DIAPH3: variants seen among roughly 807,000 people sequenced by gnomAD.
DIAPH3 encodes the protein protein diaphanous homolog 3.
A neutral mutation model predicts 144.3 loss-of-function variants in DIAPH3; 117 were observed. The observed-to-expected ratio is 0.81, with a 90% confidence interval of 0.70 to 0.95. The LOEUF (loss-of-function observed/expected upper bound fraction) is 0.95. Among genes scored for constraint, DIAPH3 ranks in the 40% least tolerant of loss-of-function variants. DIAPH3 has a pLI of 0.00. For synonymous variants in DIAPH3, 519 were observed against 488.9 expected (o/e 1.06, Z -0.81); for missense variants, 1,421 against 1,412.7 (o/e 1.01, Z -0.09).
chr13:59,673,149 A>G (rs1179970910), intron 27 of DIAPH3, among the ~76,000 whole-genome samples: 2 of 152,210 alleles, frequency 1.3e-5, no homozygotes, highest in Non-Finnish European at 2.9e-5. Flanking sequence ...CAGCCTCTAA[A>G]GAGAACAGTA....
At position 60,160,338 on chromosome 13, in the gene DIAPH3, C is replaced by T. The variant is rs562298226; in HGVS notation, c.180+3249G>A. 7.2e-5 allele frequency among the ~76,000 whole-genome samples: 11 copies of T among 152,368 alleles called. No individual in the cohort carries two copies. The South Asian group carries it at 1.9e-3, about 26-fold the overall frequency. ...GATGGAAACGATTAGACGATTTACA[C>T]TGAAGTCTGTGAGAACTTTTAGAGG... On this transcript the variant is annotated intron_variant, in intron 1 of 27. Transcript: ENST00000400324.
chr13:60,018,061 C>G (rs1392410015), intron 5 of DIAPH3, among the ~76,000 whole-genome samples: 1 of 152,116 alleles, frequency 6.6e-6, no homozygotes, highest in East Asian at 1.9e-4. Flanking sequence ...GAGAGTTTTA[C>G]TTGGGCTGAC....
chr13:59,747,720 G>A lies in DIAPH3; in HGVS notation c.3319+26469C>T, dbSNP rs530472525. Among the ~76,000 whole-genome samples the A allele has an allele frequency of 2.6e-5, 4 of 152,266 alleles. No individual in the cohort carries two copies. In the South Asian group the frequency reaches 6.2e-4, roughly 24 times the overall value. ...ATAGAGGCACTCTCTCCTCAAGGGG[G>A]CAATGTGTCAAATTTGAATGACATC... is the stretch of plus-strand genomic sequence containing the variant. On this transcript the variant is annotated intron_variant, in intron 27 of 27. Transcript: ENST00000400324.
chr13:59,705,010 CTGAA>C (rs376579951), intron 27 of DIAPH3, among the ~76,000 whole-genome samples: 105 of 152,178 alleles, frequency 6.9e-4, no homozygotes, highest in African/African-American at 2.1e-3. Context: ...TAGGAGAAAC[CTGAA>C]TGAAAGTGAT....
intron 17 of DIAPH3, among the ~76,000 whole-genome samples, chr13:59,943,025 A>G (rs1472478834): frequency 6.6e-6 from 1 of 152,204 alleles, no homozygotes; most frequent in Non-Finnish European, 1.5e-5. Context: ...CCATATATAT[A>G]TAAGCATTTG....
intron 21 of DIAPH3, among the ~76,000 whole-genome samples, chr13:59,869,252 T>C (rs1436428599): frequency 6.6e-6 from 1 of 152,230 alleles, no homozygotes; most frequent in African/African-American, 2.4e-5. Flanking sequence ...CCAGTACATA[T>C]GCAGTGGTGT....
At chr13:60,080,392 T>C (rs1307112503) in intron 4 of DIAPH3, among the ~76,000 whole-genome samples, 1 of 151,910 alleles carries the variant, frequency 6.6e-6, no homozygotes, top group African/African-American at 2.4e-5. Flanking sequence ...TAGAAATAAA[T>C]TGAAAATGAA....
intron 17 of DIAPH3, among the ~76,000 whole-genome samples, chr13:59,954,444 T>G (rs968108334): frequency 6.6e-6 from 1 of 152,166 alleles, no homozygotes; most frequent in Non-Finnish European, 1.5e-5. Context: ...TTATTATGGT[T>G]GTAGGACATG....
chr13:59,881,315 T>G (rs1434034034), intron 20 of DIAPH3, among the ~76,000 whole-genome samples: 1 of 152,112 alleles, frequency 6.6e-6, no homozygotes, highest in Non-Finnish European at 1.5e-5. Flanking sequence ...CACTCACATG[T>G]AGTACCTGTA....
At chr13:60,103,598 T>A (rs1280523935) in intron 3 of DIAPH3, among the ~76,000 whole-genome samples, 1 of 152,206 alleles carries the variant, frequency 6.6e-6, no homozygotes, top group Non-Finnish European at 1.5e-5. Flanking sequence ...TTAGAAGCAC[T>A]GCAATAGCAA....
chr13:59,695,343 G>C (rs1173853279), intron 27 of DIAPH3: 2 of 152,216 alleles, frequency 1.3e-5, no homozygotes, highest in African/African-American at 2.4e-5. Flanking sequence ...GCAAAAGTTA[G>C]AATGAGGAAT....
chr13:59,973,839 A>T (rs2050522746), intron 15 of DIAPH3, among the ~76,000 whole-genome samples: 2 of 152,130 alleles, frequency 1.3e-5, no homozygotes, highest in South Asian at 4.1e-4. Flanking sequence ...TTATGTGTAG[A>T]GGGTGCATGG....
At chr13:59,714,093 G>A (rs548239473) in intron 27 of DIAPH3, among the ~76,000 whole-genome samples, 1 of 152,232 alleles carries the variant, frequency 6.6e-6, no homozygotes, top group Non-Finnish European at 1.5e-5. Flanking sequence ...GGGCGCGGTG[G>A]CTCACGCCTG....
intron 1 of DIAPH3, among the ~76,000 whole-genome samples, chr13:60,134,328 G>A (rs1449205027): frequency 6.6e-6 from 1 of 152,212 alleles, no homozygotes; most frequent in Non-Finnish European, 1.5e-5. Flanking sequence ...TATAGAATTT[G>A]CTTTTTTATC....
chr13:60,111,664 C>G (rs2058571470), intron 3 of DIAPH3, among the ~76,000 whole-genome samples: 1 of 152,154 alleles, frequency 6.6e-6, no homozygotes, highest in Admixed American at 6.5e-5. Context: ...TCTCCACCAC[C>G]CCCCAAACGC....
chr13:59,838,216 G>C lies in DIAPH3; in HGVS notation c.2862+1108C>G, dbSNP rs7998887. ...AGTAATATTTTATTACAACACAAAA[G>C]ATATCAGTCTGTAATTTCATAAAAT... On this transcript the variant is annotated intron_variant, in intron 23 of 27. Transcript: ENST00000400324. 1,437 of 152,086 alleles carry C rather than the reference G, an allele frequency of 9.4e-3. 15 individuals are homozygous for C. Among genetic ancestry groups the C allele is most frequent in the African/African-American group, 0.033 (1,357 of 41,492 alleles). The allele number at this position is 152,086 out of a possible 1,614,324, so 9.4% of individuals were successfully genotyped here.
At chr13:59,736,816 G>A (rs1218128478) in intron 27 of DIAPH3, among the ~76,000 whole-genome samples, 2 of 152,096 alleles carry the variant, frequency 1.3e-5, no homozygotes, top group Non-Finnish European at 2.9e-5. Flanking sequence ...CAGAGACACG[G>A]ACTGAAGCAA....
intron 5 of DIAPH3, among the ~76,000 whole-genome samples, chr13:60,029,620 A>G (rs1213664222): frequency 6.6e-6 from 1 of 152,194 alleles, no homozygotes; most frequent in Admixed American, 6.5e-5. Context: ...CACCCTGTGA[A>G]GAAGGTGCCT....
intron 5 of DIAPH3, among the ~76,000 whole-genome samples, chr13:60,039,581 G>C (rs1418354102): frequency 6.6e-6 from 1 of 152,064 alleles, no homozygotes; most frequent in East Asian, 1.9e-4. Context: ...CAGGACTACA[G>C]GTATGAGCCA....
Sources: allele counts gnomAD v4.1 joint callset (sites outside exome capture counted in the v4.1 genomes callset), GRCh38; gene constraint gnomAD v4.1.1; transcripts MANE v1.5; gene names NCBI Gene and HGNC (gene_info 2026-07-23, HGNC 2026-07-21).